The following DEAF1 variants were observed in gnomAD, a reference collection of about 807,000 sequenced individuals.
DEAF1 encodes deformed epidermal autoregulatory factor 1 homolog.
A neutral mutation model predicts 58.9 loss-of-function variants in DEAF1; 53 were observed. The ratio of observed to expected loss-of-function variants is 0.90; its 90% CI spans 0.72 to 1.13. The LOEUF is 1.13. DEAF1 is among the 50% of genes most tolerant of loss of function. DEAF1 has a pLI of 0.00. For missense variants in DEAF1, 685 were observed against 791.4 expected (o/e 0.87, Z 1.61); for synonymous variants, 385 against 340.4 (o/e 1.13, Z -1.44).
At chr11:664,436 G>A (rs1222094301) in intron 10 of DEAF1, among the ~76,000 whole-genome samples, 1 of 151,360 alleles carries the variant, frequency 6.6e-6, no homozygotes, top group Non-Finnish European at 1.5e-5. Flanking sequence ...GAGAGGAGGA[G>A]GACAGGGCGT....
chr11:646,567 G>T (rs990313880), intron 11 of DEAF1: 2 of 152,234 alleles, frequency 1.3e-5, no homozygotes, highest in African/African-American at 4.8e-5. Flanking sequence ...TGTGCAGATG[G>T]AGGGAGAGAG....
chr11:665,309 AG>A (rs997585087), intron 10 of DEAF1, among the ~76,000 whole-genome samples: 1 of 151,794 alleles, frequency 6.6e-6, no homozygotes, highest in Non-Finnish European at 1.5e-5. Context: ...TCACACTGAG[AG>A]GAGGAGGACA....
chr11:704,005 C>T (rs2133480973), intron 1 of DEAF1: 1 of 1,214,756 alleles, frequency 8.2e-7, no homozygotes. Context: ...TAAGCTGTTA[C>T]AGTAGCTTTC....
rs144572356 is a variant in DEAF1 at position 652,386 on chromosome 11, C to G, written c.1593+1576G>C. 5.4e-3 allele frequency among the ~76,000 whole-genome samples: 819 copies of G among 152,234 alleles called. 9 individuals carry two copies. The highest frequency in any genetic ancestry group is 0.018 in the African/African-American group (747 of 41,542). ...GGTGCCGTGGCTCACACTTGCAATC[C>G]CAGCAATTTGGGAGGCCGAGGCAGG... On this transcript the variant is annotated intron_variant, in intron 11 of 11. Transcript: ENST00000382409.
chr11:654,576 A>G, intron 10 of DEAF1: 1 of 455,098 alleles, frequency 2.2e-6, no homozygotes, highest in South Asian at 1.5e-5. Flanking sequence ...ACATTCATTC[A>G]CTGGAAGACC....
upstream of DEAF1, among the ~76,000 whole-genome samples, chr11:696,321 G>A (rs1302384437): frequency 6.6e-6 from 1 of 152,002 alleles, no homozygotes; most frequent in African/African-American, 2.4e-5. Flanking sequence ...TCTGCTGTCT[G>A]TGGGTACAGC....
intron 6 of DEAF1, among the ~76,000 whole-genome samples, chr11:683,341 TCA>T (rs1396203839): frequency 6.6e-6 from 1 of 152,222 alleles, no homozygotes; most frequent in Admixed American, 6.5e-5. Flanking sequence ...CATTTTGAAT[TCA>T]TTTTTGTACC....
intron 1 of DEAF1, among the ~76,000 whole-genome samples, chr11:701,809 T>G (rs997657305): frequency 1.3e-5 from 2 of 152,100 alleles, no homozygotes; most frequent in Admixed American, 1.3e-4. Flanking sequence ...TCACTCCCCT[T>G]TTTTTAACCA....
chr11:705,640 C>G (rs1320515347), intron 1 of DEAF1, among the ~76,000 whole-genome samples: 5 of 152,162 alleles, frequency 3.3e-5, no homozygotes, highest in African/African-American at 9.6e-5. Flanking sequence ...CTGGGTCCTG[C>G]CTGACACCCA....
chr11:682,962 A>C (rs1400783941), intron 6 of DEAF1, among the ~76,000 whole-genome samples: 1 of 152,116 alleles, frequency 6.6e-6, no homozygotes, highest in African/African-American at 2.4e-5. Flanking sequence ...CCCACAATGG[A>C]GCCTCCACCA....
intron 10 of DEAF1, among the ~76,000 whole-genome samples, chr11:658,258 C>T (rs1211886736): frequency 6.6e-6 from 1 of 152,144 alleles, no homozygotes; most frequent in Non-Finnish European, 1.5e-5. Context: ...GAAACCCTGT[C>T]TCTACTAAAA....
intron 6 of DEAF1, 84 bp from the exon 7 acceptor site, chr11:681,173 C>A: frequency 6.3e-7 from 1 of 1,590,694 alleles, no homozygotes. Flanking sequence ...GTGGGGGCAC[C>A]GCGGGGTGTG....
intron 10 of DEAF1, among the ~76,000 whole-genome samples, chr11:661,540 C>T (rs1225869795): frequency 3.3e-5 from 5 of 151,544 alleles, no homozygotes; most frequent in East Asian, 3.9e-4. Flanking sequence ...TGAAATACCG[C>T]GTCTACTAAA....
chr11:680,132 T>C (rs1342792406), intron 7 of DEAF1: 2 of 396,316 alleles, frequency 5.0e-6, no homozygotes, highest in African/African-American at 4.1e-5. Context: ...AAGTACTTCG[T>C]GGTTCGAATT....
intron 1 of DEAF1, chr11:703,286 A>T: frequency 1.4e-6 from 2 of 1,438,380 alleles, no homozygotes; most frequent in Non-Finnish European, 9.2e-7. Flanking sequence ...GGATGGTTCC[A>T]TCTGTTCTGG....
chr11:691,701 T>G, intron 1 of DEAF1, 103 bp from the exon 2 acceptor site: 1 of 924,474 alleles, frequency 1.1e-6, no homozygotes, highest in East Asian at 2.6e-5. Context: ...CCCTCAGGTG[T>G]GTGCCCTTGT....
At chr11:652,113 A>G (rs192896092) in intron 11 of DEAF1, among the ~76,000 whole-genome samples, 1 of 152,358 alleles carries the variant, frequency 6.6e-6, no homozygotes, top group East Asian at 1.9e-4. Flanking sequence ...ACAAATCTCA[A>G]TAAATTTAAA....
At chr11:646,378 C>T (rs555804534) in intron 11 of DEAF1, 1 of 152,436 alleles carries the variant, frequency 6.6e-6, no homozygotes, top group South Asian at 2.1e-4. Flanking sequence ...CCTCCCGGGC[C>T]TCCACTCTGG....
chr11:654,051 G>A lies in DEAF1; in HGVS notation c.1504C>T (p.Gln502Ter). 1.2e-6 allele frequency: 2 copies of A among 1,612,938 alleles called. No individual in the cohort carries two copies. Among genetic ancestry groups the A allele is most frequent in the Non-Finnish European group, 1.7e-6 (2 of 1,179,776 alleles). Residue 502 changes from glutamine to a stop codon, truncating the protein, a stop_gained and splice_region_variant, in exon 11 of 12, where the codon CAG becomes TAG. Transcript: ENST00000382409. LOFTEE classifies it high-confidence loss of function. Reference protein sequence around the residue: ...KIHADAERKEQSCVNCGREAM... With the variant: ...KIHADAERKE ...TCCCGGCCGCAGTTAACGCAGGACT[G>A]CTGCAAGAAGGACACAACAGGCCAG...
Sources: gnomAD v4.1 joint callset for allele counts (sites outside exome capture counted in the v4.1 genomes callset) on GRCh38, gnomAD v4.1.1 for gene constraint, MANE v1.5 for transcripts, NCBI Gene and HGNC (gene_info 2026-07-23, HGNC 2026-07-21) for gene names.